The following ARL15 variants were observed in gnomAD, a reference collection of about 807,000 sequenced individuals.
The protein encoded by ARL15 is ADP-ribosylation factor-like protein 15.
Under a neutral mutation model 25.2 loss-of-function variants are expected in ARL15, and 19 were observed. That is an observed-to-expected ratio of 0.75 (90% CI 0.53 to 1.10). The LOEUF is 1.10. Among genes scored for constraint, ARL15 ranks in the 50% least tolerant of loss-of-function variants. ARL15 has a pLI of 0.00. For missense variants in ARL15, 220 were observed against 246.0 expected (o/e 0.89, Z 0.71); for synonymous variants, 94 against 86.8 (o/e 1.08, Z -0.46).
chr5:54,308,649 TG>T (rs1411631265), intron 1 of ARL15, among the ~76,000 whole-genome samples: 36 of 152,208 alleles, frequency 2.4e-4, no homozygotes, highest in African/African-American at 8.2e-4. Context: ...AAGGTAACCT[TG>T]GGCCCACAAA....
chr5:54,281,315 T>A (rs910969496), intron 1 of ARL15, among the ~76,000 whole-genome samples: 1 of 152,114 alleles, frequency 6.6e-6, no homozygotes, highest in Non-Finnish European at 1.5e-5. Flanking sequence ...AATTCTTGTA[T>A]TTTTGGTAGA....
intron 4 of ARL15, among the ~76,000 whole-genome samples, chr5:53,975,410 A>G (rs1190071458): frequency 6.6e-6 from 1 of 152,202 alleles, no homozygotes; most frequent in Non-Finnish European, 1.5e-5. Context: ...GCACTTGCAA[A>G]GGGTCCTCCC....
intron 4 of ARL15, among the ~76,000 whole-genome samples, chr5:53,946,165 C>A (rs1275921217): frequency 1.3e-5 from 2 of 152,130 alleles, no homozygotes; most frequent in East Asian, 3.9e-4. Context: ...GCTAAAATGA[C>A]ATAATAGGCT....
chr5:53,909,019 C>T (rs1745367197), intron 4 of ARL15, among the ~76,000 whole-genome samples: 1 of 152,104 alleles, frequency 6.6e-6, no homozygotes, highest in Non-Finnish European at 1.5e-5. Flanking sequence ...TAGGTGGAGT[C>T]TTCAGCTTCT....
intron 1 of ARL15, among the ~76,000 whole-genome samples, chr5:54,211,838 G>A (rs1321840191): frequency 6.6e-6 from 1 of 152,022 alleles, no homozygotes; most frequent in Non-Finnish European, 1.5e-5. Context: ...AGTTCAGGAA[G>A]GAAATAAAGA....
rs1016281813 is a variant in ARL15 at position 53,884,075 on chromosome 5, T to C, written c.*2486A>G. ...TCTAAGTACAGGTACAGTATTTTTT[T>C]AATAGAAAGACAGGGCAATATGGCA... On this transcript the variant is annotated 3_prime_UTR_variant, in exon 5 of 5. Coordinates refer to ENST00000504924, the MANE Select transcript of ARL15 (RefSeq NM_019087.3). 2.0e-5 allele frequency: 3 copies of C among 152,206 alleles called. No individual in the cohort carries two copies. The highest frequency in any genetic ancestry group is 4.4e-5 in the Non-Finnish European group (3 of 68,024). The allele number at this position is 152,206 out of a possible 1,614,324, so 9.4% of individuals were successfully genotyped here.
At chr5:54,018,577 A>G (rs1318266976) in intron 4 of ARL15, among the ~76,000 whole-genome samples, 2 of 152,236 alleles carry the variant, frequency 1.3e-5, no homozygotes, top group African/African-American at 4.8e-5. Flanking sequence ...TGATCTGGGA[A>G]AAGGATCCAA....
rs151256686 is a variant in ARL15, at chr5:54,273,759, T to C, written c.48+36673A>G. Among the ~76,000 whole-genome samples the C allele has an allele frequency of 4.2e-3, 639 of 152,298 alleles. 1 individual carries two copies. The highest frequency in any genetic ancestry group is 7.0e-3 in the Admixed American group (107 of 15,290). On this transcript the variant is annotated intron_variant, in intron 1 of 4. Coordinates refer to ENST00000504924, the MANE Select transcript of ARL15 (RefSeq NM_019087.3). The stretch of plus-strand genomic sequence containing the variant: ...TCTATAAAAGCCTTAGCACAGACAC[T>C]GCTCAACACTTAATAAGTGCTCGGT...
chr5:53,967,131 A>G (rs996841942), intron 4 of ARL15, among the ~76,000 whole-genome samples: 5 of 152,252 alleles, frequency 3.3e-5, no homozygotes, highest in Admixed American at 3.3e-4. Flanking sequence ...AAAATCTGCA[A>G]TAATATAGAC....
At chr5:53,968,512 G>A (rs1180461889) in intron 4 of ARL15, among the ~76,000 whole-genome samples, 1 of 152,058 alleles carries the variant, frequency 6.6e-6, no homozygotes, top group African/African-American at 2.4e-5. Flanking sequence ...TCACTTTCTT[G>A]ATAAATTAGA....
At chr5:54,046,754 G>C (rs1387413050) in intron 4 of ARL15, among the ~76,000 whole-genome samples, 3 of 152,156 alleles carry the variant, frequency 2.0e-5, no homozygotes, top group South Asian at 2.1e-4. Context: ...CTAAATTCAG[G>C]TAAGTAGATG....
At chr5:54,083,839 T>C (rs974537433) in intron 4 of ARL15, among the ~76,000 whole-genome samples, 65 of 152,202 alleles carry the variant, frequency 4.3e-4, no homozygotes, top group Admixed American at 4.0e-3. Flanking sequence ...AGGACAACAA[T>C]ACCTCAGAAA....
chr5:54,053,668 G>A (rs926321875), intron 4 of ARL15, among the ~76,000 whole-genome samples: 48 of 152,104 alleles, frequency 3.2e-4, no homozygotes, highest in African/African-American at 1.1e-3. Flanking sequence ...CCTTCTAAGT[G>A]TAATCATGAG....
intron 4 of ARL15, among the ~76,000 whole-genome samples, chr5:53,997,415 C>A (rs901901473): frequency 1.3e-5 from 2 of 151,978 alleles, no homozygotes; most frequent in Non-Finnish European, 2.9e-5. Flanking sequence ...TTCTTAAAAA[C>A]CAAATTAAGG....
chr5:54,258,656 C>A (rs1018125654), intron 1 of ARL15, among the ~76,000 whole-genome samples: 2 of 152,176 alleles, frequency 1.3e-5, no homozygotes, highest in African/African-American at 4.8e-5. Flanking sequence ...CCAAAAAAGT[C>A]CCCAATGCAG....
intron 1 of ARL15, among the ~76,000 whole-genome samples, chr5:54,229,098 G>A (rs1209818890): frequency 2.0e-5 from 3 of 151,854 alleles, no homozygotes; most frequent in African/African-American, 4.8e-5. Flanking sequence ...TGACTGAGTC[G>A]TCTCAATTCA....
chr5:53,969,112 C>T (rs1747657842), intron 4 of ARL15, among the ~76,000 whole-genome samples: 1 of 152,086 alleles, frequency 6.6e-6, no homozygotes, highest in South Asian at 2.1e-4. Context: ...GATCGCGCCA[C>T]TACACTCCAA....
chr5:54,030,000 T>G (rs1018094581), intron 4 of ARL15, among the ~76,000 whole-genome samples: 2 of 151,504 alleles, frequency 1.3e-5, no homozygotes, highest in Non-Finnish European at 2.9e-5. Flanking sequence ...CCATCTCAAA[T>G]AAATAAATAA....
chr5:54,264,379 A>C (rs1757570232), intron 1 of ARL15, among the ~76,000 whole-genome samples: 1 of 152,092 alleles, frequency 6.6e-6, no homozygotes, highest in Admixed American at 6.5e-5. Flanking sequence ...ATAATACTTC[A>C]CTGGCCTCCC....
Sources: allele counts gnomAD v4.1 joint callset (sites outside exome capture counted in the v4.1 genomes callset), GRCh38; gene constraint gnomAD v4.1.1; transcripts MANE v1.5; gene names NCBI Gene and HGNC (gene_info 2026-07-23, HGNC 2026-07-21).